UBAP2: variants seen among roughly 807,000 people sequenced by gnomAD.
UBAP2 encodes ubiquitin-associated protein 2.
UBAP2 carries 75 observed loss-of-function variants against 139.6 expected under a neutral mutation model. The ratio of observed to expected loss-of-function variants is 0.54; its 90% CI spans 0.45 to 0.65. The LOEUF (loss-of-function observed/expected upper bound fraction) is 0.65, where lower values mean the gene tolerates loss of function less well. UBAP2 is among the 30% of genes least tolerant of loss of function. UBAP2 has a pLI of 0.00. For synonymous variants in UBAP2, 526 were observed against 526.2 expected (o/e 1.00, Z 0.01); for missense variants, 1,368 against 1,369.6 (o/e 1.00, Z 0.02).
chr9:34,045,781 T>C (rs1827526932), intron 1 of UBAP2, among the ~76,000 whole-genome samples: 1 of 152,184 alleles, frequency 6.6e-6, no homozygotes, highest in African/African-American at 2.4e-5. Flanking sequence ...AAAACTAATC[T>C]GATAAATTTG....
At position 33,989,130 on chromosome 9, in the gene UBAP2, TCA is replaced by T; in HGVS notation, c.289-6_289-5del. The T allele has an allele frequency of 6.2e-7, 1 of 1,603,876 alleles. No individual in the cohort carries two copies. The highest frequency in any genetic ancestry group is 8.5e-7 in the Non-Finnish European group (1 of 1,177,096). Reference sequence around the variant, plus strand: ...ACCCTACAGTCTCCCATGAAGTCTATCAGAGAGAACGGCTGTTAATCATTTAT... The same window carrying T: ...ACCCTACAGTCTCCCATGAAGTCTATGAGAGAACGGCTGTTAATCATTTAT... On this transcript the variant is annotated splice_polypyrimidine_tract_variant and splice_region_variant and intron_variant, in intron 4 of 28. Coordinates refer to ENST00000379238, the MANE Select transcript of UBAP2 (RefSeq NM_001370062.2).
intron 1 of UBAP2, among the ~76,000 whole-genome samples, chr9:34,017,692 C>G (rs1043099949): frequency 6.6e-6 from 1 of 152,018 alleles, no homozygotes; most frequent in Non-Finnish European, 1.5e-5. Context: ...TTCACGAGGC[C>G]GAGGCAGGCA....
Position 33,949,150 on chromosome 9 carries a change from G to A in UBAP2, c.1057-563C>T, listed in dbSNP as rs148034907. ...CCACTGCACTACAGCCTGGGCGACA[G>A]AGCAAGACTCCATCTCAAAAAATAA... On this transcript the variant is annotated intron_variant, in intron 12 of 28. Transcript: ENST00000379238. Among the ~76,000 whole-genome samples the A allele has an allele frequency of 6.5e-3, 985 of 151,690 alleles. 8 individuals carry two copies. The highest frequency in any genetic ancestry group is 9.8e-3 in the Non-Finnish European group (669 of 67,934).
At chr9:34,018,155 A>G (rs892042480) in intron 1 of UBAP2, among the ~76,000 whole-genome samples, 1 of 148,946 alleles carries the variant, frequency 6.7e-6, no homozygotes, top group South Asian at 2.1e-4. Context: ...GAACAACTCC[A>G]CCTCAATTTA....
intron 6 of UBAP2, among the ~76,000 whole-genome samples, chr9:33,974,896 T>C (rs1828181758): frequency 8.2e-6 from 1 of 121,988 alleles, no homozygotes; most frequent in African/African-American, 3.1e-5. Flanking sequence ...CTAACTTGCG[T>C]CACTGTTCTC....
rs1289064710 is a variant in UBAP2, at chr9:33,923,496, T to A, written c.2797-18A>T. ...GGAGGGACCTGGGGGGGCAAGCAGA[T>A]GAGGTATTAGTGTAGGAAGAGGCAA... On this transcript the variant is annotated intron_variant, in intron 24 of 28. Coordinates refer to ENST00000379238, the MANE Select transcript of UBAP2 (RefSeq NM_001370062.2). The A allele has an allele frequency of 6.2e-7, 1 of 1,612,570 alleles. No homozygotes were observed. Among genetic ancestry groups the A allele is most frequent in the Non-Finnish European group, 8.5e-7 (1 of 1,178,842 alleles).
At chr9:33,969,657 A>C (rs1827750886) in intron 8 of UBAP2, among the ~76,000 whole-genome samples, 1 of 151,730 alleles carries the variant, frequency 6.6e-6, no homozygotes, top group South Asian at 2.1e-4. Context: ...ATTTGAGGTC[A>C]GGAGTTCAAG....
chr9:33,998,716 A>G (rs1346259834), intron 3 of UBAP2, 71 bp downstream of exon 3: 1 of 1,417,154 alleles, frequency 7.1e-7, no homozygotes, highest in Non-Finnish European at 9.7e-7. Context: ...AAAAATCTTT[A>G]CTGAAATTAT....
At chr9:33,935,168 G>GC (rs1051324078) in intron 17 of UBAP2, among the ~76,000 whole-genome samples, 2 of 145,086 alleles carry the variant, frequency 1.4e-5, no homozygotes, top group African/African-American at 2.5e-5. Context: ...AGTGGCGGGG[G>GC]GGGGGGGTCT....
At chr9:34,012,054 ATATT>A (rs1823796438) in intron 2 of UBAP2, among the ~76,000 whole-genome samples, 1 of 152,204 alleles carries the variant, frequency 6.6e-6, no homozygotes. Context: ...TTAACTTTAC[ATATT>A]TTTTTCAGTT....
At chr9:33,955,031 GT>G (rs1412417152) in intron 11 of UBAP2, among the ~76,000 whole-genome samples, 1 of 152,150 alleles carries the variant, frequency 6.6e-6, no homozygotes, top group African/African-American at 2.4e-5. Context: ...TAAGAATGTG[GT>G]TATCCCATAA....
intron 8 of UBAP2, among the ~76,000 whole-genome samples, chr9:33,967,233 TC>T (rs1827538476): frequency 6.6e-6 from 1 of 152,222 alleles, no homozygotes; most frequent in African/African-American, 2.4e-5. Flanking sequence ...TGTGAAACTC[TC>T]CAATAATTTG....
intron 1 of UBAP2, among the ~76,000 whole-genome samples, chr9:34,027,270 C>G (rs1335176436): frequency 6.6e-6 from 1 of 150,904 alleles, no homozygotes; most frequent in Non-Finnish European, 1.5e-5. Flanking sequence ...TACTTGAGGT[C>G]AGGAGTTTGA....
At chr9:34,037,746 A>G (rs1393137716) in intron 1 of UBAP2, among the ~76,000 whole-genome samples, 2 of 152,162 alleles carry the variant, frequency 1.3e-5, no homozygotes, top group Non-Finnish European at 2.9e-5. Context: ...ATCATTCAGT[A>G]GTGTACTTCA....
At chr9:33,975,035 A>C (rs984054762) in intron 6 of UBAP2, among the ~76,000 whole-genome samples, 4 of 152,216 alleles carry the variant, frequency 2.6e-5, no homozygotes, top group Admixed American at 1.3e-4. Flanking sequence ...GATACTCAGT[A>C]TTGCTGATCA....
At chr9:33,971,270 A>G (rs1827897531) in intron 8 of UBAP2, among the ~76,000 whole-genome samples, 2 of 152,208 alleles carry the variant, frequency 1.3e-5, no homozygotes, top group South Asian at 4.1e-4. Context: ...CATCTACCAC[A>G]TTATCATACA....
chr9:34,010,977 G>A (rs956983593), intron 2 of UBAP2, among the ~76,000 whole-genome samples: 1 of 152,024 alleles, frequency 6.6e-6, no homozygotes, highest in Non-Finnish European at 1.5e-5. Flanking sequence ...GGGGGAACCA[G>A]GAACAAATAA....
intron 10 of UBAP2, among the ~76,000 whole-genome samples, chr9:33,959,567 G>C (rs73477292): frequency 1.3e-5 from 2 of 151,968 alleles, no homozygotes; most frequent in Non-Finnish European, 2.9e-5. Context: ...TTATGGTATT[G>C]GGTTATTTAT....
intron 20 of UBAP2, 129 bp from the exon 21 acceptor site, chr9:33,927,209 G>A (rs902535534): frequency 6.1e-5 from 40 of 653,368 alleles, no homozygotes; most frequent in Non-Finnish European, 6.3e-5. Flanking sequence ...GTGGCCGAAT[G>A]AGGCAGAGGG....
Sources: gnomAD v4.1 joint callset for allele counts (sites outside exome capture counted in the v4.1 genomes callset) on GRCh38, gnomAD v4.1.1 for gene constraint, MANE v1.5 for transcripts, NCBI Gene and HGNC (gene_info 2026-07-23, HGNC 2026-07-21) for gene names.